Variants in EPM2A observed in about 807,000 individuals in gnomAD.
EPM2A encodes laforin.
In EPM2A, 21 loss-of-function variants were observed where a neutral mutation model predicts 26.5. The observed-to-expected ratio is 0.79, with a 90% CI of 0.56 to 1.14. The LOEUF (loss-of-function observed/expected upper bound fraction) is 1.14. Ranked by LOEUF, EPM2A falls within the 50% of genes most tolerant of loss-of-function variation. The pLI, the probability that EPM2A is intolerant of heterozygous loss-of-function variation, is 0.00. For missense variants in EPM2A, 458 were observed against 440.8 expected, an observed-to-expected ratio of 1.04 and a Z score of -0.35; for synonymous variants, 217 against 177.6, an observed-to-expected ratio of 1.22 and a Z score of -1.76.
intron 4 of EPM2A, among the ~76,000 whole-genome samples, chr6:145,388,036 TCATAA>T (rs1424530770): frequency 3.9e-5 from 6 of 152,176 alleles, no homozygotes; most frequent in Admixed American, 3.9e-4. Flanking sequence ...CCAACCGTGA[TCATAA>T]GATCTGTGCA....
rs529647159 is a variant in EPM2A at position 145,646,336 on chromosome 6, AT to A, written c.477-10851del. Among the ~76,000 whole-genome samples the A allele has an allele frequency of 4.4e-3, 658 of 150,070 alleles. 5 individuals carry two copies. The highest frequency in any genetic ancestry group is 0.014 in the African/African-American group (572 of 40,934). ...CACGCTTGGCTAATTTTTTTTTTTAATTTTTTATTTTTTGTATTTTTAGTAG... is the reference window on the plus strand; with the variant it reads ...CACGCTTGGCTAATTTTTTTTTTTAATTTTTATTTTTTGTATTTTTAGTAG... On this transcript the variant is annotated intron_variant, in intron 2 of 3. Coordinates refer to ENST00000367519, the MANE Select transcript of EPM2A (RefSeq NM_005670.4).
chr6:145,397,317 T>G (rs1778418698), intron 4 of EPM2A, among the ~76,000 whole-genome samples: 1 of 152,092 alleles, frequency 6.6e-6, no homozygotes, highest in South Asian at 2.1e-4. Context: ...GGCACATGCC[T>G]GTAGTCTCGG....
chr6:145,552,946 CT>C (rs1323167045), intron 2 of EPM2A, among the ~76,000 whole-genome samples: 22 of 152,042 alleles, frequency 1.4e-4, no homozygotes, highest in Non-Finnish European at 1.5e-5. Context: ...TAACCTTTAT[CT>C]AACCACTTAA....
chr6:145,548,559 A>G (rs1313925243), intron 2 of EPM2A, among the ~76,000 whole-genome samples: 2 of 152,130 alleles, frequency 1.3e-5, no homozygotes, highest in African/African-American at 4.8e-5. Context: ...GAATACATGA[A>G]TAATAAATGG....
intron 2 of EPM2A, among the ~76,000 whole-genome samples, chr6:145,529,359 C>T (rs961050390): frequency 1.3e-5 from 2 of 152,122 alleles, no homozygotes; most frequent in African/African-American, 4.8e-5. Flanking sequence ...ATATGTCACA[C>T]TTCACTATTG....
intron 1 of EPM2A, among the ~76,000 whole-genome samples, chr6:145,698,801 CAG>C (rs1477006866): frequency 6.6e-6 from 1 of 152,028 alleles, no homozygotes; most frequent in Non-Finnish European, 1.5e-5. Flanking sequence ...AACAAGATCA[CAG>C]AGTGAAGTCC....
chr6:145,623,003 T>C (rs192288546), downstream of EPM2A, among the ~76,000 whole-genome samples: 48 of 152,348 alleles, frequency 3.2e-4, no homozygotes, highest in Admixed American at 7.8e-4. Flanking sequence ...ACAGGGATAA[T>C]ATCCCCTAGC....
At chr6:145,592,693 T>G (rs1200231220) in intron 2 of EPM2A, among the ~76,000 whole-genome samples, 1 of 152,146 alleles carries the variant, frequency 6.6e-6, no homozygotes, top group Admixed American at 6.5e-5. Flanking sequence ...TGGGATGGTA[T>G]CTCATTGTGG....
chr6:145,678,733 TAA>T (rs1780262651), intron 2 of EPM2A, among the ~76,000 whole-genome samples: 2 of 152,152 alleles, frequency 1.3e-5, no homozygotes, highest in South Asian at 4.1e-4. Context: ...TAGTGATCAT[TAA>T]AAAGTCAGGA....
intron 4 of EPM2A, among the ~76,000 whole-genome samples, chr6:145,421,266 G>A (rs998131650): frequency 1.2e-4 from 18 of 152,250 alleles, no homozygotes; most frequent in African/African-American, 3.6e-4. Flanking sequence ...TACTTTGTGA[G>A]AAGATTATAT....
intron 4 of EPM2A, among the ~76,000 whole-genome samples, chr6:145,480,903 CT>C (rs1409074622): frequency 3.9e-5 from 6 of 152,044 alleles, no homozygotes; most frequent in African/African-American, 1.4e-4. Flanking sequence ...ATTTGGTGAT[CT>C]TTAATAATGA....
intron 4 of EPM2A, among the ~76,000 whole-genome samples, chr6:145,462,187 C>A (rs948091923): frequency 6.6e-6 from 1 of 152,092 alleles, no homozygotes; most frequent in African/African-American, 2.4e-5. Context: ...AACTATGCTG[C>A]AAAAGTTCCT....
chr6:145,573,587 C>T (rs1427139874), intron 2 of EPM2A, among the ~76,000 whole-genome samples: 1 of 152,246 alleles, frequency 6.6e-6, no homozygotes, highest in Non-Finnish European at 1.5e-5. Flanking sequence ...GATGATGGCA[C>T]TAATCTCCGC....
intron 4 of EPM2A, chr6:145,491,202 C>A: frequency 4.6e-6 from 2 of 437,742 alleles, no homozygotes; most frequent in South Asian, 1.9e-5. Flanking sequence ...AAATTTTCCC[C>A]GACCCCTTCA....
At chr6:145,445,432 A>G (rs1270742559) in intron 4 of EPM2A, among the ~76,000 whole-genome samples, 1 of 152,220 alleles carries the variant, frequency 6.6e-6, no homozygotes, top group Non-Finnish European at 1.5e-5. Flanking sequence ...ATAATTGTTT[A>G]TGAATAAGGT....
chr6:145,606,732 C>G (rs1031006572), intron 2 of EPM2A, among the ~76,000 whole-genome samples: 2 of 152,048 alleles, frequency 1.3e-5, no homozygotes, highest in Non-Finnish European at 2.9e-5. Context: ...CATGGAAGAG[C>G]AGAAATTTGG....
At chr6:145,412,914 G>T (rs1052930625) in intron 4 of EPM2A, among the ~76,000 whole-genome samples, 1 of 152,114 alleles carries the variant, frequency 6.6e-6, no homozygotes, top group East Asian at 1.9e-4. Context: ...GTTCTCTGCT[G>T]GTTGGTTTCC....
chr6:145,439,728 G>C (rs1779037203), intron 4 of EPM2A, among the ~76,000 whole-genome samples: 1 of 152,108 alleles, frequency 6.6e-6, no homozygotes, highest in Non-Finnish European at 1.5e-5. Context: ...TATATTGTCA[G>C]ATGCATAGTT....
At chr6:145,722,542 T>C (rs1000770729) in intron 1 of EPM2A, among the ~76,000 whole-genome samples, 1 of 152,160 alleles carries the variant, frequency 6.6e-6, no homozygotes, top group African/African-American at 2.4e-5. Flanking sequence ...TCCTGCCTAG[T>C]AGAGGTAATG....
Sources: gnomAD v4.1 joint callset for allele counts (sites outside exome capture counted in the v4.1 genomes callset) on GRCh38, gnomAD v4.1.1 for gene constraint, MANE v1.5 for transcripts, NCBI Gene and HGNC (gene_info 2026-07-23, HGNC 2026-07-21) for gene names.